Variants in MBD2 observed in about 807,000 individuals in gnomAD.
The protein encoded by MBD2 is methyl-CpG binding domain protein 2, also known as methyl-CpG-binding domain protein 2.
Under a neutral mutation model 39.3 loss-of-function variants are expected in MBD2, and 9 were observed. The observed-to-expected ratio is 0.23, with a 90% CI of 0.14 to 0.40. MBD2 has a LOEUF of 0.40. Ranked by LOEUF, MBD2 falls within the 10% of genes least tolerant of loss-of-function variation. MBD2 has a pLI of 1.00. For synonymous variants in MBD2, 233 were observed against 211.1 expected (o/e 1.10, Z -0.90); for missense variants, 458 against 532.6 (o/e 0.86, Z 1.38).
chr18:54,180,915 T>G (rs74328206), intron 3 of MBD2, among the ~76,000 whole-genome samples: 1 of 144,320 alleles, frequency 6.9e-6, no homozygotes, highest in African/African-American at 2.6e-5. Flanking sequence ...TTTTTTTTTT[T>G]TTTTTTTTTT....
rs2086640464 is a variant in MBD2 at position 54,224,210 on chromosome 18, C to A, written c.350G>T (p.Gly117Val). 2.6e-6 allele frequency: 3 copies of A among 1,143,276 alleles called. No individual in the cohort carries two copies. The highest frequency in any genetic ancestry group is 3.2e-6 in the Non-Finnish European group (3 of 932,064). The allele number at this position is 1,143,276 out of a possible 1,614,324, so 70.8% of individuals were successfully genotyped here. A position where few individuals can be genotyped will look rare whatever the true frequency, so the allele number is the denominator to read the frequency against. The change falls in exon 1 of 7, where the codon GGT becomes GTT. Residue 117 changes from glycine (G) to valine (V), a missense_variant. Gly to Val is a moderately radical substitution (Grantham distance 109). Transcript: ENST00000256429. Reference protein sequence around the residue: ...DGGGCGGGGSGGGGAPRREPV... With the variant: ...DGGGCGGGGSVGGGAPRREPV... The stretch of plus-strand genomic sequence containing the variant: ...CTCCCGCCGGGGGGCGCCGCCGCCA[C>A]CGCTGCCGCCGCCGCCGCAGCCGCC...
chr18:54,193,535 T>C (rs1234097611), intron 2 of MBD2, among the ~76,000 whole-genome samples: 3 of 148,812 alleles, frequency 2.0e-5, no homozygotes, highest in African/African-American at 7.3e-5. Flanking sequence ...TAAAAATAAA[T>C]CTTTCTTATT....
At position 54,223,934 on chromosome 18, in the gene MBD2, A is replaced by G. The variant is rs373221626; in HGVS notation, c.542+84T>C. 2.3e-5 allele frequency: 28 copies of G among 1,192,770 alleles called. No homozygotes were observed. The East Asian group carries it at 7.2e-4, about 31-fold the overall frequency. The allele number at this position is 1,192,770 out of a possible 1,614,324, so 73.9% of individuals were successfully genotyped here. A position where few individuals can be genotyped will look rare whatever the true frequency, so the allele number is the denominator to read the frequency against. ...CCCTGCCACATGCCCCCCGGGCCCC[A>G]GCGCTCATCCTCTGCCCAGGCCCGC... On this transcript the variant is annotated intron_variant, in intron 1 of 6. Coordinates refer to ENST00000256429, the MANE Select transcript of MBD2 (RefSeq NM_003927.5).
At chr18:54,208,036 TCAAAAAACAACAA>T (rs987556399) in intron 1 of MBD2, among the ~76,000 whole-genome samples, 52 of 150,250 alleles carry the variant, frequency 3.5e-4, no homozygotes, top group African/African-American at 7.3e-4. Context: ...AGAGTCTGTC[TCAAAAAACAACAA>T]CAAAAAACAA....
intron 1 of MBD2, among the ~76,000 whole-genome samples, chr18:54,214,626 T>C (rs1259940475): frequency 2.0e-5 from 3 of 152,250 alleles, no homozygotes; most frequent in Non-Finnish European, 4.4e-5. Context: ...TCTATTTCTG[T>C]TGGCTAATTA....
chr18:54,171,961 A>G (rs957227007), intron 3 of MBD2, among the ~76,000 whole-genome samples: 8 of 152,236 alleles, frequency 5.3e-5, no homozygotes, highest in Admixed American at 2.6e-4. Context: ...GAGCATTTAC[A>G]TGTTTGGCTC....
At chr18:54,210,339 C>T (rs1256973262) in intron 1 of MBD2, among the ~76,000 whole-genome samples, 3 of 152,048 alleles carry the variant, frequency 2.0e-5, no homozygotes, top group African/African-American at 7.2e-5. Flanking sequence ...ACTCAGATTA[C>T]GCTCACTTTA....
At chr18:54,190,595 T>G (rs774634526) in intron 2 of MBD2, among the ~76,000 whole-genome samples, 1 of 152,198 alleles carries the variant, frequency 6.6e-6, no homozygotes, top group Non-Finnish European at 1.5e-5. Context: ...AATTTCAGTG[T>G]TTATCATTAG....
At chr18:54,209,387 G>A (rs1190566401) in intron 1 of MBD2, among the ~76,000 whole-genome samples, 1 of 151,190 alleles carries the variant, frequency 6.6e-6, no homozygotes, top group Non-Finnish European at 1.5e-5. Context: ...GGCAATGAAG[G>A]AAAAAAGGTA....
chr18:54,212,564 C>G (rs1453379813), intron 1 of MBD2, among the ~76,000 whole-genome samples: 4 of 152,070 alleles, frequency 2.6e-5, no homozygotes, highest in African/African-American at 9.7e-5. Flanking sequence ...ATAAGATTGA[C>G]TATGTGTTGA....
At chr18:54,223,646 T>G (rs907525460) in intron 1 of MBD2, among the ~76,000 whole-genome samples, 1 of 152,234 alleles carries the variant, frequency 6.6e-6, no homozygotes, top group Non-Finnish European at 1.5e-5. Flanking sequence ...GCTTAACACT[T>G]GTGATGATGA....
chr18:54,217,100 A>C (rs1360210314), intron 1 of MBD2, among the ~76,000 whole-genome samples: 2 of 152,216 alleles, frequency 1.3e-5, no homozygotes, highest in Admixed American at 6.5e-5. Context: ...AAAACAAAAC[A>C]AAACAAAATA....
chr18:54,200,189 T>C (rs2086395195), intron 2 of MBD2, among the ~76,000 whole-genome samples: 1 of 151,964 alleles, frequency 6.6e-6, no homozygotes, highest in Admixed American at 6.5e-5. Context: ...AATAGAGAAA[T>C]GTGACGAAAG....
At chr18:54,172,287 C>A (rs1032690744) in intron 3 of MBD2, among the ~76,000 whole-genome samples, 6 of 151,914 alleles carry the variant, frequency 3.9e-5, no homozygotes, top group African/African-American at 1.5e-4. Context: ...ATTTTCTCTG[C>A]AAATTAGCGT....
intron 3 of MBD2, among the ~76,000 whole-genome samples, chr18:54,177,868 G>A (rs1457810932): frequency 9.6e-6 from 1 of 104,588 alleles, no homozygotes; most frequent in Non-Finnish European, 1.7e-5. Flanking sequence ...GTATCACTCT[G>A]TTGCCCAAGC....
At chr18:54,214,003 CTTT>C (rs529774043) in intron 1 of MBD2, among the ~76,000 whole-genome samples, 6 of 129,308 alleles carry the variant, frequency 4.6e-5, no homozygotes, top group Non-Finnish European at 6.7e-5. Flanking sequence ...TTCTTTCTTT[CTTT>C]TTTTTTTTTT....
intron 2 of MBD2, among the ~76,000 whole-genome samples, chr18:54,196,362 C>T (rs1179467092): frequency 2.6e-5 from 4 of 152,104 alleles, no homozygotes; most frequent in Non-Finnish European, 2.9e-5. Flanking sequence ...AATGAAAACA[C>T]GTTTTGAAGA....
intron 3 of MBD2, among the ~76,000 whole-genome samples, chr18:54,170,844 A>C (rs974175964): frequency 3.3e-5 from 5 of 152,214 alleles, no homozygotes; most frequent in African/African-American, 1.2e-4. Context: ...TTCTATAAGC[A>C]TGTAGAAGAG....
Position 54,152,731 on chromosome 18 carries a change from T to C in MBD2, c.*2593A>G, listed in dbSNP as rs1365282113. On this transcript the variant is annotated 3_prime_UTR_variant, in exon 7 of 7. Transcript: ENST00000256429. ...ACCTGCAGGGATAGCGACAATAGTG[T>C]GCTCCAATGTGAGCACCCACTATGT... The C allele has an allele frequency of 6.6e-6, 1 of 152,174 alleles. No individual in the cohort carries two copies. The highest frequency in any genetic ancestry group is 1.5e-5 in the Non-Finnish European group (1 of 68,028). The allele number at this position is 152,174 out of a possible 1,614,324, so 9.4% of individuals were successfully genotyped here.
Sources: gnomAD v4.1 joint callset for allele counts (sites outside exome capture counted in the v4.1 genomes callset) on GRCh38, gnomAD v4.1.1 for gene constraint, MANE v1.5 for transcripts, NCBI Gene and HGNC (gene_info 2026-07-23, HGNC 2026-07-21) for gene names.